KRABD5: variants seen among roughly 807,000 people sequenced by gnomAD.
KRABD5 encodes KRAB domain containing 5.
the KRABD5 span, among the ~76,000 whole-genome samples, chr16:31,724,700 A>G: frequency 3.5e-5 from 2 of 56,636 alleles, no homozygotes; most frequent in African/African-American, 2.5e-4. Flanking sequence ...TCTCAAAAAA[A>G]AAAGAAAAAA....
the KRABD5 span, among the ~76,000 whole-genome samples, chr16:31,719,475 C>T: frequency 6.6e-6 from 1 of 152,174 alleles, no homozygotes; most frequent in Non-Finnish European, 1.5e-5. Context: ...ATCAGAAAAA[C>T]TCTGGGAGTC....
At chr16:31,719,957 A>G in the KRABD5 span, among the ~76,000 whole-genome samples, 1 of 152,196 alleles carries the variant, frequency 6.6e-6, no homozygotes, top group Non-Finnish European at 1.5e-5. Flanking sequence ...CCATCTGTCT[A>G]TAGTTAGCTT....
At chr16:31,734,795 G>A in the KRABD5 span, among the ~76,000 whole-genome samples, 1 of 150,304 alleles carries the variant, frequency 6.7e-6, no homozygotes, top group African/African-American at 2.5e-5. Flanking sequence ...TGCCCAGGCT[G>A]GAGTGCAGTG....
the KRABD5 span, chr16:31,723,193 A>G: frequency 2.0e-6 from 3 of 1,527,078 alleles, no homozygotes; most frequent in Admixed American, 1.9e-5. Context: ...TTTACTGAGT[A>G]TCCTACTGAG....
the KRABD5 span, chr16:31,760,763 T>C: frequency 2.0e-5 from 3 of 152,176 alleles, no homozygotes; most frequent in Non-Finnish European, 4.4e-5. Flanking sequence ...AATTTGCAAA[T>C]GTGAGAATTT....
chr16:31,725,203 C>T, the KRABD5 span, among the ~76,000 whole-genome samples: 1 of 152,122 alleles, frequency 6.6e-6, no homozygotes, highest in South Asian at 2.1e-4. Flanking sequence ...ACAACCTCCG[C>T]TTCCTGGGTT....
At chr16:31,754,507 C>T in the KRABD5 span, 4 of 613,928 alleles carry the variant, frequency 6.5e-6, no homozygotes, top group South Asian at 1.5e-5. Context: ...GCATAAGCCC[C>T]AGAAGACATC....
At chr16:31,720,359 G>A in the KRABD5 span, among the ~76,000 whole-genome samples, 1 of 152,216 alleles carries the variant, frequency 6.6e-6, no homozygotes, top group Non-Finnish European at 1.5e-5. Flanking sequence ...CTAGCTGTGT[G>A]CTACTGATTA....
the KRABD5 span, chr16:31,753,924 T>C: frequency 6.4e-7 from 1 of 1,550,886 alleles, no homozygotes; most frequent in East Asian, 2.4e-5. Context: ...TCACAATGGA[T>C]ATTATGATGG....
the KRABD5 span, among the ~76,000 whole-genome samples, chr16:31,726,353 A>T: frequency 2.0e-5 from 3 of 152,196 alleles, no homozygotes; most frequent in Non-Finnish European, 2.9e-5. Flanking sequence ...GGTCAATATA[A>T]TACTCACTAT....
chr16:31,725,557 G>A, the KRABD5 span, among the ~76,000 whole-genome samples: 5 of 152,114 alleles, frequency 3.3e-5, no homozygotes, highest in Non-Finnish European at 5.9e-5. Flanking sequence ...GGCATACAAC[G>A]TTTCCTTTTC....
At chr16:31,751,755 T>C in the KRABD5 span, among the ~76,000 whole-genome samples, 2 of 152,190 alleles carry the variant, frequency 1.3e-5, no homozygotes, top group Non-Finnish European at 2.9e-5. Flanking sequence ...GAATTTGGGG[T>C]CTCAATTAAT....
At chr16:31,735,542 T>C in the KRABD5 span, among the ~76,000 whole-genome samples, 12 of 152,196 alleles carry the variant, frequency 7.9e-5, no homozygotes, top group Admixed American at 1.3e-4. Context: ...ATATATGTGT[T>C]CCTTTTTCTT....
At chr16:31,743,006 G>T in the KRABD5 span, among the ~76,000 whole-genome samples, 7 of 152,072 alleles carry the variant, frequency 4.6e-5, no homozygotes, top group East Asian at 7.8e-4. Flanking sequence ...TTTTGATGAG[G>T]TTGTTTTTTT....
the KRABD5 span, among the ~76,000 whole-genome samples, chr16:31,724,631 G>T: frequency 6.6e-6 from 1 of 151,030 alleles, no homozygotes; most frequent in African/African-American, 2.4e-5. Context: ...GGCGGAGCTT[G>T]CAGTGAGCCG....
the KRABD5 span, among the ~76,000 whole-genome samples, chr16:31,730,027 G>A: frequency 2.6e-5 from 4 of 151,878 alleles, no homozygotes; most frequent in Non-Finnish European, 5.9e-5. Context: ...TTGTTTTATA[G>A]TTCTTATACT....
the KRABD5 span, among the ~76,000 whole-genome samples, chr16:31,721,509 A>G: frequency 1.3e-5 from 2 of 151,708 alleles, no homozygotes; most frequent in African/African-American, 2.4e-5. Flanking sequence ...GCTCTACTAT[A>G]TACTAGATAT....
the KRABD5 span, among the ~76,000 whole-genome samples, chr16:31,737,509 T>C: frequency 1.3e-5 from 2 of 152,188 alleles, no homozygotes; most frequent in Non-Finnish European, 2.9e-5. Flanking sequence ...CAAGGTAAGG[T>C]CCAACTTTAT....
chr16:31,723,235 T>A, the KRABD5 span: 1 of 1,607,612 alleles, frequency 6.2e-7, no homozygotes, highest in African/African-American at 1.3e-5. Context: ...GCAAGAGTCA[T>A]GTGACTTTTT....
Sources: allele counts gnomAD v4.1 joint callset (sites outside exome capture counted in the v4.1 genomes callset), GRCh38; gene constraint gnomAD v4.1.1; transcripts MANE v1.5; gene names NCBI Gene and HGNC (gene_info 2026-07-23, HGNC 2026-07-21).